Variants in IMPG2 observed in about 807,000 individuals in gnomAD.
The protein encoded by IMPG2 is interphotoreceptor matrix proteoglycan 2.
A neutral mutation model predicts 129.2 loss-of-function variants in IMPG2; 91 were observed. The ratio of observed to expected loss-of-function variants is 0.70; its 90% confidence interval spans 0.59 to 0.84. The LOEUF (loss-of-function observed/expected upper bound fraction) is 0.84, where lower values mean the gene tolerates loss of function less well. Ranked by LOEUF, IMPG2 falls within the 40% of genes least tolerant of loss-of-function variation. The pLI is 0.00. For missense variants in IMPG2, 1,430 were observed against 1,461.7 expected, an observed-to-expected ratio of 0.98 and a Z score of 0.35; for synonymous variants, 510 against 517.7, an observed-to-expected ratio of 0.99 and a Z score of 0.20.
chr3:101,244,289 G>A lies in IMPG2; in HGVS notation c.2042C>T (p.Pro681Leu), dbSNP rs747028964. Residue 681 changes from proline to leucine, a missense_variant, in exon 13 of 19, where the codon CCT (proline) becomes CTT (leucine). Transcript: ENST00000193391. ...GATGGGCACAGCAGGCCCACTAAGA[G>A]GCTCTTCCTCTGGAAAGTGTGTGGA... ...DRSTHFPEEE[P>L]LSGPAVPIFA... is the part of the protein sequence containing the mutation. 1 of 1,614,004 alleles carries A rather than the reference G, an allele frequency of 6.2e-7. No individual in the cohort carries two copies. The highest frequency in any genetic ancestry group is 2.2e-5 in the East Asian group (1 of 44,852).
intron 9 of IMPG2, among the ~76,000 whole-genome samples, chr3:101,259,342 A>T (rs760671689): frequency 1.3e-5 from 2 of 152,190 alleles, no homozygotes; most frequent in African/African-American, 4.8e-5. Context: ...GCAGCAAACT[A>T]TTCTCAAAAC....
intron 2 of IMPG2, among the ~76,000 whole-genome samples, chr3:101,313,517 C>A (rs371471628): frequency 8.4e-4 from 128 of 152,174 alleles, no homozygotes; most frequent in African/African-American, 3.0e-3. Flanking sequence ...TCTCTTCTAG[C>A]AGAAATAACC....
intron 6 of IMPG2, among the ~76,000 whole-genome samples, chr3:101,274,449 TTATAGGATAAATCCCAACAGAAC>T (rs1401793498): frequency 2.6e-5 from 4 of 152,146 alleles, no homozygotes; most frequent in African/African-American, 9.7e-5. Flanking sequence ...CACATTATAA[TTATAGGATAAATCCCAACAGAAC>T]TGAAATACGG....
intron 9 of IMPG2, among the ~76,000 whole-genome samples, chr3:101,259,887 C>T (rs1358279032): frequency 1.3e-5 from 2 of 152,032 alleles, no homozygotes; most frequent in Non-Finnish European, 1.5e-5. Flanking sequence ...TTATAACTCC[C>T]TACAGATTTT....
intron 14 of IMPG2, among the ~76,000 whole-genome samples, chr3:101,235,236 T>A (rs922641882): frequency 4.6e-5 from 7 of 152,112 alleles, no homozygotes; most frequent in Admixed American, 2.0e-4. Flanking sequence ...AGTGTGAGAG[T>A]CTTTTTTCCC....
intron 18 of IMPG2, among the ~76,000 whole-genome samples, chr3:101,228,395 T>C (rs1040246501): frequency 3.9e-5 from 6 of 152,222 alleles, no homozygotes; most frequent in African/African-American, 1.4e-4. Context: ...AAATATTTTA[T>C]GGCATCAGAT....
chr3:101,239,617 A>G (rs1706384453), intron 14 of IMPG2, among the ~76,000 whole-genome samples: 1 of 152,230 alleles, frequency 6.6e-6, no homozygotes, highest in South Asian at 2.1e-4. Context: ...AGACACATGC[A>G]CATGTATGTT....
In IMPG2 at chr3:101,226,225, T is replaced by TTATATATATACATATA. The variant is rs1706220236; in HGVS notation, c.*743_*744insTATATGTATATATATA. 9.7e-6 allele frequency: 1 copy of TTATATATATACATATA among 102,880 alleles called. No homozygotes were observed. The highest frequency in any genetic ancestry group is 1.9e-5 in the Non-Finnish European group (1 of 52,992). 6.4% of individuals were successfully genotyped at this position (102,880 alleles called of 1,614,324 possible). A position where few individuals can be genotyped will look rare whatever the true frequency, so the allele number is the denominator to read the frequency against. On this transcript the variant is annotated 3_prime_UTR_variant, in exon 19 of 19. Transcript: ENST00000193391. ...TAGATTAATGGGAATCTTCTAAACT[T>TTATATATATACATATA]TATATATATATATATATATATATAT...
chr3:101,297,701 A>G (rs895705179), intron 3 of IMPG2, among the ~76,000 whole-genome samples: 9 of 152,152 alleles, frequency 5.9e-5, no homozygotes, highest in African/African-American at 1.7e-4. Context: ...CCATGTAACC[A>G]TGTGGTTTTG....
In IMPG2 at chr3:101,295,659, AT is replaced by A. The variant is rs376134443; in HGVS notation, c.502-4150del. Among the ~76,000 whole-genome samples the A allele has an allele frequency of 8.0e-3, 1,219 of 152,240 alleles. 12 individuals carry two copies. Among genetic ancestry groups the A allele is most frequent in the Middle Eastern group, 0.031 (9 of 294 alleles). On this transcript the variant is annotated intron_variant, in intron 3 of 18. Transcript: ENST00000193391. ...ATAAATTACTGTGGGCAGTATGGCC[AT>A]TTTCATGATATTGTTTCTTCCTATT...
At chr3:101,314,360 T>C (rs991964400) in intron 2 of IMPG2, among the ~76,000 whole-genome samples, 3 of 152,140 alleles carry the variant, frequency 2.0e-5, no homozygotes, top group Admixed American at 6.6e-5. Flanking sequence ...TAACTGGGTG[T>C]CCTGCATTTT....
chr3:101,282,883 AG>A (rs1247599170), intron 4 of IMPG2, among the ~76,000 whole-genome samples: 65 of 152,338 alleles, frequency 4.3e-4, no homozygotes, highest in African/African-American at 1.5e-3. Flanking sequence ...ATAATTTATA[AG>A]CTACAATCTT....
chr3:101,314,054 A>T (rs1311099370), intron 2 of IMPG2, among the ~76,000 whole-genome samples: 1 of 152,144 alleles, frequency 6.6e-6, no homozygotes, highest in Admixed American at 6.6e-5. Context: ...TACACTAAAC[A>T]TTGGTTATAT....
Position 101,229,548 on chromosome 3 carries a change from A to G in IMPG2, c.3465T>C (p.Asn1155=). 6.2e-7 allele frequency: 1 copy of G among 1,614,066 alleles called. No individual in the cohort carries two copies. Residue 1155 remains asparagine (N), a synonymous_variant, in exon 17 of 19, where the codon AAT becomes AAC. Coordinates refer to ENST00000193391, the MANE Select transcript of IMPG2 (RefSeq NM_016247.4). ...CATACACGGGGTTGTACTTCACAGC[A>G]TTCTCAATAGATGAGAGGCTGTCAG... ...RQPDSLSSIE[N]AVKYNPVYES...
chr3:101,294,024 A>G (rs1341143665), intron 3 of IMPG2, among the ~76,000 whole-genome samples: 2 of 152,180 alleles, frequency 1.3e-5, no homozygotes, highest in African/African-American at 4.8e-5. Flanking sequence ...TGTTTTGCTT[A>G]CTTATCACTA....
chr3:101,269,676 TA>T (rs1404262810), intron 7 of IMPG2, 103 bp from the exon 8 acceptor site: 4 of 739,186 alleles, frequency 5.4e-6, no homozygotes, highest in African/African-American at 5.3e-5. Context: ...TGTTCACAAC[TA>T]TTAGAAGCTT....
At chr3:101,293,423 GGT>G (rs1466408823) in intron 3 of IMPG2, among the ~76,000 whole-genome samples, 2 of 152,138 alleles carry the variant, frequency 1.3e-5, no homozygotes. Context: ...AGGTTTCAAA[GGT>G]GGGCTTAAAA....
At chr3:101,248,258 C>G (rs1351730710) in intron 11 of IMPG2, among the ~76,000 whole-genome samples, 1 of 152,118 alleles carries the variant, frequency 6.6e-6, no homozygotes, top group Non-Finnish European at 1.5e-5. Context: ...GAATAAGTCT[C>G]ATGAGATATG....
intron 4 of IMPG2, among the ~76,000 whole-genome samples, chr3:101,288,986 T>C (rs1459782599): frequency 9.2e-5 from 14 of 152,164 alleles, no homozygotes; most frequent in South Asian, 2.1e-4. Flanking sequence ...TTATACTACA[T>C]ACACGCTTGG....
Sources: allele counts gnomAD v4.1 joint callset (sites outside exome capture counted in the v4.1 genomes callset), GRCh38; gene constraint gnomAD v4.1.1; transcripts MANE v1.5; gene names NCBI Gene and HGNC (gene_info 2026-07-23, HGNC 2026-07-21).